The following FNDC1 variants were observed in gnomAD, a reference collection of about 807,000 sequenced individuals.
The protein encoded by FNDC1 is fibronectin type III domain containing 1.
FNDC1 carries 96 observed loss-of-function variants against 168.0 expected under a neutral mutation model. The observed-to-expected ratio is 0.57, with a 90% CI of 0.48 to 0.68. FNDC1 has a LOEUF of 0.68. Ranked by LOEUF, FNDC1 falls within the 30% of genes least tolerant of loss-of-function variation. FNDC1 has a pLI of 0.00. For missense variants in FNDC1, 2,587 were observed against 2,482.1 expected (o/e 1.04, Z -0.90); for synonymous variants, 1,099 against 1,025.9 (o/e 1.07, Z -1.36).
chr6:159,197,652 A>G, intron 2 of FNDC1, 27 bp downstream of exon 2: 1 of 1,580,442 alleles, frequency 6.3e-7, no homozygotes, highest in African/African-American at 1.3e-5. Context: ...TCTTGTTCCC[A>G]GTCAGAATTA....
At chr6:159,200,303 G>A (rs1278959754) in intron 3 of FNDC1, among the ~76,000 whole-genome samples, 2 of 152,230 alleles carry the variant, frequency 1.3e-5, no homozygotes, top group African/African-American at 2.4e-5. Context: ...TCATCCAGAT[G>A]TTTTGAATAC....
In FNDC1 at chr6:159,271,526, CG is replaced by C. The variant is rs1251233254; in HGVS notation, c.*85del. ...AGGGGCTGTGAGCAAAGACAGCCAGCGTGCTCAGCCCCGCTGCCCTAGGTGC... is the reference window on the plus strand; with the variant it reads ...AGGGGCTGTGAGCAAAGACAGCCAGCTGCTCAGCCCCGCTGCCCTAGGTGC... On this transcript the variant is annotated 3_prime_UTR_variant, in exon 23 of 23. Coordinates refer to ENST00000297267, the MANE Select transcript of FNDC1 (RefSeq NM_032532.3). 4.1e-5 allele frequency: 43 copies of C among 1,060,496 alleles called. No individual in the cohort carries two copies. In the Admixed American group the frequency reaches 8.6e-4, roughly 21 times the overall value. The allele number at this position is 1,060,496 out of a possible 1,614,324, so 65.7% of individuals were successfully genotyped here.
chr6:159,214,817 A>C, intron 4 of FNDC1, 128 bp from the exon 5 acceptor site: 1 of 734,832 alleles, frequency 1.4e-6, no homozygotes. Flanking sequence ...AGAATTAGTT[A>C]CCAAGAAATG....
At chr6:159,188,450 C>T (rs1782051959) in intron 1 of FNDC1, among the ~76,000 whole-genome samples, 1 of 148,930 alleles carries the variant, frequency 6.7e-6, no homozygotes, top group Non-Finnish European at 1.5e-5. Context: ...TCTTGGCTTA[C>T]TGCAAGCTCC....
At chr6:159,248,913 G>GTA (rs1777194084) in intron 15 of FNDC1, 126 bp from the exon 16 acceptor site, 2 of 760,590 alleles carry the variant, frequency 2.6e-6, no homozygotes, top group East Asian at 5.8e-5. Flanking sequence ...TAGGGTGTGT[G>GTA]TGTGTGTGTG....
chr6:159,227,134 A>G (rs1782970429), intron 9 of FNDC1, among the ~76,000 whole-genome samples: 1 of 152,250 alleles, frequency 6.6e-6, no homozygotes, highest in African/African-American at 2.4e-5. Flanking sequence ...ATAGAGTAAA[A>G]CATTCACAAC....
intron 4 of FNDC1, among the ~76,000 whole-genome samples, chr6:159,203,879 T>C (rs1308361551): frequency 1.4e-4 from 21 of 152,186 alleles, no homozygotes; most frequent in Non-Finnish European, 5.9e-5. Flanking sequence ...TAGTCAGCTT[T>C]TGTCAAACTC....
intron 9 of FNDC1, among the ~76,000 whole-genome samples, chr6:159,227,595 C>T (rs548356161): frequency 3.4e-5 from 5 of 148,674 alleles, no homozygotes; most frequent in South Asian, 4.2e-4. Context: ...CTATACTTCA[C>T]GTTTTTTCAC....
chr6:159,209,310 T>G (rs867153675), intron 4 of FNDC1, among the ~76,000 whole-genome samples: 2 of 152,214 alleles, frequency 1.3e-5, no homozygotes, highest in African/African-American at 4.8e-5. Context: ...TGGTGAGAAG[T>G]TGGAAGAAAC....
intron 21 of FNDC1, 34 bp downstream of exon 21, chr6:159,266,279 A>G (rs753319394): frequency 1.2e-6 from 2 of 1,610,062 alleles, no homozygotes; most frequent in Non-Finnish European, 1.7e-6. Flanking sequence ...TATGGGAGGT[A>G]TGGAACATTT....
intron 1 of FNDC1, among the ~76,000 whole-genome samples, chr6:159,177,944 T>A (rs1781799997): frequency 6.6e-6 from 1 of 152,194 alleles, no homozygotes; most frequent in Non-Finnish European, 1.5e-5. Flanking sequence ...AAAAATGTTT[T>A]AAAAAAGTTT....
chr6:159,265,787 G>A (rs187277982), intron 20 of FNDC1, among the ~76,000 whole-genome samples: 2 of 152,128 alleles, frequency 1.3e-5, no homozygotes, highest in African/African-American at 4.8e-5. Context: ...AATTAGCCGG[G>A]TGTGGTGGCG....
chr6:159,251,359 C>G lies in FNDC1; in HGVS notation c.4892C>G (p.Ala1631Gly). Reference protein sequence around the residue: ...DPSAPCSLTDALDHFQVDSLD... With the variant: ...DPSAPCSLTDGLDHFQVDSLD... ...TCAGCCCCGTGCTCTCTGACTGATG[C>G]ACTGGATCACTTCCAAGTGGACAGC... Residue 1631 changes from alanine to glycine, a missense_variant, in exon 17 of 23, where the codon GCA (alanine) becomes GGA (glycine). Ala to Gly is a moderately conservative substitution (Grantham distance 60). Coordinates refer to ENST00000297267, the MANE Select transcript of FNDC1 (RefSeq NM_032532.3). 1.2e-6 allele frequency: 2 copies of G among 1,613,986 alleles called. No individual in the cohort carries two copies. The highest frequency in any genetic ancestry group is 2.2e-5 in the South Asian group (2 of 91,072).
Position 159,169,702 on chromosome 6 carries a change from T to C in FNDC1, c.106T>C (p.Ser36Pro), listed in dbSNP as rs295332. 563,174 of 1,146,768 alleles carry C rather than the reference T, an allele frequency of 0.49. 139,301 individuals carry two copies. The highest frequency in any genetic ancestry group is 0.61 in the Admixed American group (12,913 of 21,014). 71.0% of individuals were successfully genotyped at this position (1,146,768 alleles called of 1,614,324 possible). A position where few individuals can be genotyped will look rare whatever the true frequency, so the allele number is the denominator to read the frequency against. Residue 36 changes from serine to proline, a missense_variant, in exon 1 of 23, where the codon TCA becomes CCA. Coordinates refer to ENST00000297267, the MANE Select transcript of FNDC1 (RefSeq NM_032532.3). This position sits in a 1 kb window ranked among gnomAD's most constrained non-coding sequence, Gnocchi z 6.8. Reference protein sequence around the residue: ...LLPVASSAAASVDHPLKPRHV... With the variant: ...LLPVASSAAAPVDHPLKPRHV... Reference sequence around the variant, plus strand: ...CCCCGTCGCCTCCTCGGCGGCGGCCTCAGGTACGCGCCGCGCCCGGGCCCC... The same window carrying C: ...CCCCGTCGCCTCCTCGGCGGCGGCCCCAGGTACGCGCCGCGCCCGGGCCCC...
At chr6:159,179,676 G>T (rs894199472) in intron 1 of FNDC1, among the ~76,000 whole-genome samples, 1 of 152,086 alleles carries the variant, frequency 6.6e-6, no homozygotes, top group African/African-American at 2.4e-5. Flanking sequence ...TTGATATTTG[G>T]CTATCTTCCT....
At chr6:159,245,742 A>ATTTT (rs531544658) in intron 14 of FNDC1, among the ~76,000 whole-genome samples, 6 of 19,772 alleles carry the variant, frequency 3.0e-4, no homozygotes, top group African/African-American at 1.3e-3. Flanking sequence ...CATTATGGTA[A>ATTTT]TTTTTTTTTT....
Position 159,233,237 on chromosome 6 carries a change from T to C in FNDC1, c.2725T>C (p.Leu909=). The C allele has an allele frequency of 6.2e-7, 1 of 1,613,870 alleles. No individual in the cohort carries two copies. The highest frequency in any genetic ancestry group is 8.5e-7 in the Non-Finnish European group (1 of 1,179,842). The stretch of plus-strand genomic sequence containing the variant: ...GCCCATCTCCCGGGGCTGGGAGGAC[T>C]TAAGGAGAAGCCCGCAGAGAGGGGC... ...RQPISRGWED[L]RRSPQRGASL... is the part of the protein sequence containing the mutation. Residue 909 remains leucine, a synonymous_variant, in exon 11 of 23, where the codon TTA becomes CTA. Transcript: ENST00000297267. This position sits in a 1 kb window ranked among gnomAD's most constrained non-coding sequence, Gnocchi z 4.6.
intron 14 of FNDC1, among the ~76,000 whole-genome samples, chr6:159,246,575 T>C (rs993886478): frequency 1.3e-5 from 2 of 152,172 alleles, no homozygotes; most frequent in Non-Finnish European, 2.9e-5. Flanking sequence ...CCTGCAGGCA[T>C]GCGGGCGAGT....
At chr6:159,231,036 T>C (rs1783071552) in intron 10 of FNDC1, among the ~76,000 whole-genome samples, 1 of 152,186 alleles carries the variant, frequency 6.6e-6, no homozygotes, top group Non-Finnish European at 1.5e-5. Flanking sequence ...AGGAAGCAGG[T>C]AAGGACATGC....
Sources: allele counts gnomAD v4.1 joint callset (sites outside exome capture counted in the v4.1 genomes callset), GRCh38; gene constraint gnomAD v4.1.1; non-coding constraint Gnocchi (gnomAD v3.1); transcripts MANE v1.5; gene names NCBI Gene and HGNC (gene_info 2026-07-23, HGNC 2026-07-21).